LRRC26: variants seen among roughly 807,000 people sequenced by gnomAD.
The protein encoded by LRRC26 is leucine-rich repeat-containing protein 26.
Under a neutral mutation model 15.3 loss-of-function variants are expected in LRRC26, and 17 were observed. The observed-to-expected ratio is 1.11, with a 90% CI of 0.76 to 1.66. The LOEUF is 1.66. Among genes scored for constraint, LRRC26 ranks in the 40% most tolerant of loss-of-function variants. LRRC26 has a pLI of 0.00. For synonymous variants in LRRC26, 301 were observed against 272.1 expected (o/e 1.11, Z -1.05); for missense variants, 573 against 501.0 (o/e 1.14, Z -1.37).
Position 137,169,184 on chromosome 9 carries a change from C to T in LRRC26, c.675G>A (p.Glu225=), listed in dbSNP as rs759105118. 53 of 1,476,618 alleles carry T rather than the reference C, an allele frequency of 3.6e-5. No individual in the cohort carries two copies. Among genetic ancestry groups the T allele is most frequent in the Non-Finnish European group, 4.6e-5 (51 of 1,118,666 alleles). 91.5% of individuals were successfully genotyped at this position (1,476,618 alleles called of 1,614,324 possible). The change falls in exon 2 of 2, where the codon GAG becomes GAA. Residue 225 remains glutamate, a splice_region_variant and synonymous_variant. Transcript: ENST00000371542. Reference sequence around the variant, plus strand: ...GCCACACGCAGAGCACCGTCTCGGCCTCTGTGGGACACAGACAAAGGCGCG... The same window carrying T: ...GCCACACGCAGAGCACCGTCTCGGCTTCTGTGGGACACAGACAAAGGCGCG... ...WLRRHPLPAS[E]AETVLCVWPG...
rs760302911 is a variant in LRRC26 at position 137,169,168 on chromosome 9, A to G, written c.691T>C (p.Cys231Arg). ...LPASEAETVL[C>R]VWPGRLTLSP... Reference sequence around the variant, plus strand: ...AGCGTCAGGCGTCCCGGCCACACGCAGAGCACCGTCTCGGCCTCTGTGGGA... The same window carrying G: ...AGCGTCAGGCGTCCCGGCCACACGCGGAGCACCGTCTCGGCCTCTGTGGGA... The change falls in exon 2 of 2, where the codon TGC becomes CGC. Residue 231 changes from cysteine (C) to arginine (R), a missense_variant. Physicochemically the swap from Cys to Arg is radical, Grantham distance 180 (BLOSUM62 -3). Transcript: ENST00000371542. 1.6e-5 allele frequency: 25 copies of G among 1,519,652 alleles called. No homozygotes were observed. The highest frequency in any genetic ancestry group is 2.1e-5 in the Non-Finnish European group (24 of 1,139,900). The allele number at this position is 1,519,652 out of a possible 1,614,324, so 94.1% of individuals were successfully genotyped here. A position where few individuals can be genotyped will look rare whatever the true frequency, so the allele number is the denominator to read the frequency against.
At position 137,169,700 on chromosome 9, in the gene LRRC26, G is replaced by C. The variant is rs925366948; in HGVS notation, c.244C>G (p.Arg82Gly). ...GCACCTGGCGGCAGCGCACGGACGC[G>C]GTTGTGGTCCAGCAGCAGCGCGCGC... ...RLRALLLDHN[R>G]VRALPPGAFA... Residue 82 changes from arginine (R) to glycine (G), a missense_variant, in exon 1 of 2, where the codon CGC (arginine) becomes GGC (glycine). Transcript: ENST00000371542. 7 of 1,491,228 alleles carry C rather than the reference G, an allele frequency of 4.7e-6. No homozygotes were observed. The highest frequency in any genetic ancestry group is 1.5e-5 in the African/African-American group (1 of 68,538). 92.4% of individuals were successfully genotyped at this position (1,491,228 alleles called of 1,614,324 possible). A position where few individuals can be genotyped will look rare whatever the true frequency, so the allele number is the denominator to read the frequency against.
chr9:137,169,568 G>A lies in LRRC26; in HGVS notation c.376C>T (p.Leu126=). ...WGLGALQLLD[L]SANQLEALAP... ...AGTGCTTCCAGCTGGTTGGCGCTCA[G>A]GTCCAGCAGCTGCAGCGCGCCCAGG... Residue 126 remains leucine, a synonymous_variant, in exon 1 of 2, where the codon CTG becomes TTG. Transcript: ENST00000371542. 1 of 1,524,040 alleles carries A rather than the reference G, an allele frequency of 6.6e-7. No homozygotes were observed. The highest frequency in any genetic ancestry group is 1.2e-5 in the South Asian group (1 of 82,268). 94.4% of individuals were successfully genotyped at this position (1,524,040 alleles called of 1,614,324 possible).
rs1284362602 is a variant in LRRC26, at chr9:137,169,530, A to T, written c.414T>A (p.Thr138=). ...TGCGCAGCGCGCGCAGCGGCGCGAA[A>T]GTCCCTGGTGCCAGTGCTTCCAGCT... ...ANQLEALAPG[T]FAPLRALRNL... Residue 138 remains threonine (T), a synonymous_variant, in exon 1 of 2, where the codon ACT becomes ACA. Coordinates refer to ENST00000371542, the MANE Select transcript of LRRC26 (RefSeq NM_001013653.3). The T allele has an allele frequency of 1.3e-6, 2 of 1,523,838 alleles. No homozygotes were observed. 94.4% of individuals were successfully genotyped at this position (1,523,838 alleles called of 1,614,324 possible). A position where few individuals can be genotyped will look rare whatever the true frequency, so the allele number is the denominator to read the frequency against.
In LRRC26 at chr9:137,168,966, C is replaced by A. The variant is rs1165015610; in HGVS notation, c.893G>T (p.Arg298Leu). 8 of 1,416,992 alleles carry A rather than the reference C, an allele frequency of 5.6e-6. No homozygotes were observed. The highest frequency in any genetic ancestry group is 1.5e-5 in the South Asian group (1 of 67,094). 87.8% of individuals were successfully genotyped at this position (1,416,992 alleles called of 1,614,324 possible). A position where few individuals can be genotyped will look rare whatever the true frequency, so the allele number is the denominator to read the frequency against. Residue 298 changes from arginine to leucine, a missense_variant, in exon 2 of 2, where the codon CGC becomes CTC. Coordinates refer to ENST00000371542, the MANE Select transcript of LRRC26 (RefSeq NM_001013653.3). ...TCTCGGCGGGCGGAGGGCGGCGGTG[C>A]GGAGGCGGCGGCGGCGCGCACGGCA... The part of the protein sequence containing the change: ...TACRARRRRL[R>L]TAALRPPRPP...
In LRRC26 at chr9:137,169,720, G is replaced by A. The variant is rs1387975149; in HGVS notation, c.224C>T (p.Ala75Val). 2.7e-6 allele frequency: 4 copies of A among 1,463,508 alleles called. No individual in the cohort carries two copies. 90.7% of individuals were successfully genotyped at this position (1,463,508 alleles called of 1,614,324 possible). A position where few individuals can be genotyped will look rare whatever the true frequency, so the allele number is the denominator to read the frequency against. Residue 75 changes from alanine (A) to valine (V), a missense_variant, in exon 1 of 2, where the codon GCG becomes GTG. Coordinates refer to ENST00000371542, the MANE Select transcript of LRRC26 (RefSeq NM_001013653.3). ...GACGCGGTTGTGGTCCAGCAGCAGC[G>A]CGCGCAGGCGCAGGCTCAGGCCCGG... Reference protein sequence around the residue: ...VPPGLSLRLRALLLDHNRVRA... With the variant: ...VPPGLSLRLRVLLLDHNRVRA...
At position 137,169,498 on chromosome 9, in the gene LRRC26, G is replaced by T. The variant is rs1425017990; in HGVS notation, c.446C>A (p.Ser149Ter). Reference protein sequence around the residue: ...FAPLRALRNLSLAGNRLARLE... With the variant: ...FAPLRALRNL ...GCGCGCCAGCCGGTTGCCGGCCAAT[G>T]AGAGGTTGCGCAGCGCGCGCAGCGG... The change falls in exon 1 of 2, where the codon TCA (serine) becomes TAA (stop). Residue 149 changes from serine (S) to a stop codon, truncating the protein, a stop_gained. Coordinates refer to ENST00000371542, the MANE Select transcript of LRRC26 (RefSeq NM_001013653.3). LOFTEE classifies it high-confidence loss of function. The T allele has an allele frequency of 6.6e-6, 10 of 1,523,906 alleles. No individual in the cohort carries two copies. The highest frequency in any genetic ancestry group is 5.3e-6 in the Non-Finnish European group (6 of 1,142,606). The allele number at this position is 1,523,906 out of a possible 1,614,324, so 94.4% of individuals were successfully genotyped here. A position where few individuals can be genotyped will look rare whatever the true frequency, so the allele number is the denominator to read the frequency against.
chr9:137,169,134 AG>A lies in LRRC26; in HGVS notation c.724del (p.Leu242Ter). 1.3e-6 allele frequency: 2 copies of A among 1,556,086 alleles called. No homozygotes were observed. Among genetic ancestry groups the A allele is most frequent in the East Asian group, 2.6e-5 (1 of 38,956 alleles). The part of the protein sequence containing the change: ...VWPGRLTLSP[L>X]TAFSDAAFSH... ...AAAGGCGGCGTCGGAAAAGGCAGTC[AG>A]GGGGCTGAGCGTCAGGCGTCCCGGC... On this transcript the variant is annotated frameshift_variant, in exon 2 of 2. Coordinates refer to ENST00000371542, the MANE Select transcript of LRRC26 (RefSeq NM_001013653.3). LOFTEE classifies it low-confidence loss of function (END_TRUNC).
rs1259054487 is a variant in LRRC26 at position 137,169,806 on chromosome 9, C to A, written c.138G>T (p.Val46=). The A allele has an allele frequency of 1.4e-6, 2 of 1,406,200 alleles. No individual in the cohort carries two copies. The allele number at this position is 1,406,200 out of a possible 1,614,324, so 87.1% of individuals were successfully genotyped here. ...GSLGAPDCPE[V]CTCVPGGLAS... ...CCAGGCCTCCCGGCACGCACGTGCA[C>A]ACCTCGGGGCAGTCCGGGGCGCCCA... The change falls in exon 1 of 2, where the codon GTG becomes GTT. Residue 46 remains valine, a synonymous_variant. Coordinates refer to ENST00000371542, the MANE Select transcript of LRRC26 (RefSeq NM_001013653.3).
chr9:137,169,176 G>A lies in LRRC26; in HGVS notation c.683C>T (p.Thr228Met), dbSNP rs1247125976. 2 of 1,500,856 alleles carry A rather than the reference G, an allele frequency of 1.3e-6. No homozygotes were observed. Among genetic ancestry groups the A allele is most frequent in the African/African-American group, 1.4e-5 (1 of 69,630 alleles). 93.0% of individuals were successfully genotyped at this position (1,500,856 alleles called of 1,614,324 possible). A position where few individuals can be genotyped will look rare whatever the true frequency, so the allele number is the denominator to read the frequency against. Residue 228 changes from threonine to methionine, a missense_variant, in exon 2 of 2, where the codon ACG (threonine) becomes ATG (methionine). Thr to Met is a moderately conservative substitution (Grantham distance 81). Coordinates refer to ENST00000371542, the MANE Select transcript of LRRC26 (RefSeq NM_001013653.3). ...GCGTCCCGGCCACACGCAGAGCACCGTCTCGGCCTCTGTGGGACACAGACA... is the reference window on the plus strand; with the variant it reads ...GCGTCCCGGCCACACGCAGAGCACCATCTCGGCCTCTGTGGGACACAGACA... ...RHPLPASEAETVLCVWPGRLT... is the reference protein window; with the variant it reads ...RHPLPASEAEMVLCVWPGRLT...
rs773816868 is a variant in LRRC26, at chr9:137,169,165, C to T, written c.694G>A (p.Val232Met). 9.2e-6 allele frequency: 14 copies of T among 1,519,114 alleles called. No homozygotes were observed. The highest frequency in any genetic ancestry group is 9.7e-6 in the Non-Finnish European group (11 of 1,139,800). The allele number at this position is 1,519,114 out of a possible 1,614,324, so 94.1% of individuals were successfully genotyped here. Residue 232 changes from valine (V) to methionine (M), a missense_variant, in exon 2 of 2, where the codon GTG becomes ATG. Coordinates refer to ENST00000371542, the MANE Select transcript of LRRC26 (RefSeq NM_001013653.3). ...PASEAETVLC[V>M]WPGRLTLSPL... The stretch of plus-strand genomic sequence containing the variant: ...CTGAGCGTCAGGCGTCCCGGCCACA[C>T]GCAGAGCACCGTCTCGGCCTCTGTG...
chr9:137,169,426 C>A lies in LRRC26; in HGVS notation c.518G>T (p.Ser173Ile), dbSNP rs771355412. Residue 173 changes from serine (S) to isoleucine (I), a missense_variant, in exon 1 of 2, where the codon AGC becomes ATC. By Grantham distance (142) the Ser-to-Ile change is moderately radical. Transcript: ENST00000371542. ...LGALPLLRSL[S>I]LQDNELAALA... The stretch of plus-strand genomic sequence containing the variant: ...TGCCGCCAGCTCGTTGTCCTGCAGG[C>A]TGAGTGAGCGCAGCAGCGGGAGCGC... 42 of 1,518,044 alleles carry A rather than the reference C, an allele frequency of 2.8e-5. 1 individual carries two copies. The South Asian group carries it at 5.0e-4, about 18-fold the overall frequency. The allele number at this position is 1,518,044 out of a possible 1,614,324, so 94.0% of individuals were successfully genotyped here.
At position 137,169,724 on chromosome 9, in the gene LRRC26, G is replaced by A. The variant is rs939705854; in HGVS notation, c.220C>T (p.Arg74Cys). The change falls in exon 1 of 2, where the codon CGC becomes TGC. Residue 74 changes from arginine (R) to cysteine (C), a missense_variant. Coordinates refer to ENST00000371542, the MANE Select transcript of LRRC26 (RefSeq NM_001013653.3). ...AVPPGLSLRL[R>C]ALLLDHNRVR... is the part of the protein sequence containing the mutation. Reference sequence around the variant, plus strand: ...CGGTTGTGGTCCAGCAGCAGCGCGCGCAGGCGCAGGCTCAGGCCCGGGGGC... The same window carrying A: ...CGGTTGTGGTCCAGCAGCAGCGCGCACAGGCGCAGGCTCAGGCCCGGGGGC... 3.4e-6 allele frequency: 5 copies of A among 1,457,968 alleles called. No individual in the cohort carries two copies. The Admixed American group carries it at 7.9e-5, about 23-fold the overall frequency. The allele number at this position is 1,457,968 out of a possible 1,614,324, so 90.3% of individuals were successfully genotyped here. A position where few individuals can be genotyped will look rare whatever the true frequency, so the allele number is the denominator to read the frequency against.
At position 137,169,722 on chromosome 9, in the gene LRRC26, G is replaced by T; in HGVS notation, c.222C>A (p.Arg74=). The change falls in exon 1 of 2, where the codon CGC becomes CGA. Residue 74 remains arginine (R), a synonymous_variant. Transcript: ENST00000371542. Reference sequence around the variant, plus strand: ...CGCGGTTGTGGTCCAGCAGCAGCGCGCGCAGGCGCAGGCTCAGGCCCGGGG... The same window carrying T: ...CGCGGTTGTGGTCCAGCAGCAGCGCTCGCAGGCGCAGGCTCAGGCCCGGGG... ...AVPPGLSLRL[R]ALLLDHNRVR... 3.4e-6 allele frequency: 5 copies of T among 1,458,254 alleles called. No homozygotes were observed. Among genetic ancestry groups the T allele is most frequent in the Non-Finnish European group, 4.5e-6 (5 of 1,114,024 alleles). The allele number at this position is 1,458,254 out of a possible 1,614,324, so 90.3% of individuals were successfully genotyped here.
chr9:137,168,990 C>T lies in LRRC26; in HGVS notation c.869G>A (p.Cys290Tyr). The T allele has an allele frequency of 2.1e-6, 3 of 1,453,900 alleles. No individual in the cohort carries two copies. The highest frequency in any genetic ancestry group is 1.5e-5 in the African/African-American group (1 of 67,690). The allele number at this position is 1,453,900 out of a possible 1,614,324, so 90.1% of individuals were successfully genotyped here. ...GCGGAGGCGGCGGCGGCGCGCACGG[C>T]AGGCGGTGAGCCCAGAGCCCAGCGC... Reference protein sequence around the residue: ...CLALGSGLTACRARRRRLRTA... With the variant: ...CLALGSGLTAYRARRRRLRTA... Residue 290 changes from cysteine to tyrosine, a missense_variant, in exon 2 of 2, where the codon TGC (cysteine) becomes TAC (tyrosine). Physicochemically the swap from Cys to Tyr is radical, Grantham distance 194. Transcript: ENST00000371542.
In LRRC26 at chr9:137,168,897, G is replaced by A; in HGVS notation, c.962C>T (p.Ser321Leu). Residue 321 changes from serine (S) to leucine (L), a missense_variant, in exon 2 of 2, where the codon TCG (serine) becomes TTG (leucine). Physicochemically the swap from Ser to Leu is moderately radical, Grantham distance 145. Transcript: ENST00000371542. ...NPDPDPHGCA[S>L]PADPGSPAAA... The stretch of plus-strand genomic sequence containing the variant: ...GGCGGGGCTCCCCGGGTCCGCGGGC[G>A]AGGCACAGCCGTGGGGGTCGGGATC... 1.3e-5 allele frequency: 16 copies of A among 1,268,810 alleles called. No homozygotes were observed. Among genetic ancestry groups the A allele is most frequent in the Admixed American group, 4.2e-5 (1 of 24,050 alleles). 78.6% of individuals were successfully genotyped at this position (1,268,810 alleles called of 1,614,324 possible).
chr9:137,169,935 G>A lies in LRRC26; in HGVS notation c.9C>T (p.Gly3=). MR[G]PSWSRPRPLL... is the part of the protein sequence containing the mutation. ...GCGGCCGAGGCCGCGACCAGGAAGG[G>A]CCCCGCATGGGGGCAGCCCCCCCGC... The change falls in exon 1 of 2, where the codon GGC becomes GGT. Residue 3 remains glycine, a synonymous_variant. Transcript: ENST00000371542. 4 of 1,450,114 alleles carry A rather than the reference G, an allele frequency of 2.8e-6. No individual in the cohort carries two copies. Among genetic ancestry groups the A allele is most frequent in the South Asian group, 1.4e-5 (1 of 72,618 alleles). 89.8% of individuals were successfully genotyped at this position (1,450,114 alleles called of 1,614,324 possible). A position where few individuals can be genotyped will look rare whatever the true frequency, so the allele number is the denominator to read the frequency against.
Position 137,169,822 on chromosome 9 carries a change from G to A in LRRC26, c.122C>T (p.Pro41Leu). 2 of 1,436,980 alleles carry A rather than the reference G, an allele frequency of 1.4e-6. No individual in the cohort carries two copies. Among genetic ancestry groups the A allele is most frequent in the East Asian group, 5.9e-5 (2 of 33,818 alleles). The allele number at this position is 1,436,980 out of a possible 1,614,324, so 89.0% of individuals were successfully genotyped here. ...GCACGTGCACACCTCGGGGCAGTCC[G>A]GGGCGCCCAGGGACCCCGAGGGCGA... Reference protein sequence around the residue: ...TASPSGSLGAPDCPEVCTCVP... With the variant: ...TASPSGSLGALDCPEVCTCVP... The change falls in exon 1 of 2, where the codon CCG becomes CTG. Residue 41 changes from proline (P) to leucine (L), a missense_variant. Physicochemically the swap from Pro to Leu is moderately conservative, Grantham distance 98. Coordinates refer to ENST00000371542, the MANE Select transcript of LRRC26 (RefSeq NM_001013653.3).
At position 137,169,857 on chromosome 9, in the gene LRRC26, C is replaced by T. The variant is rs771831599; in HGVS notation, c.87G>A (p.Ser29=). 2 of 1,473,030 alleles carry T rather than the reference C, an allele frequency of 1.4e-6. No homozygotes were observed. The highest frequency in any genetic ancestry group is 1.8e-6 in the Non-Finnish European group (2 of 1,122,442). The allele number at this position is 1,473,030 out of a possible 1,614,324, so 91.2% of individuals were successfully genotyped here. ...LSPWPVWAQV[S]ATASPSGSLG... ...GGGACCCCGAGGGCGAGGCCGTGGCCGACACCTGGGCCCAGACAGGCCAAG... is the reference window on the plus strand; with the variant it reads ...GGGACCCCGAGGGCGAGGCCGTGGCTGACACCTGGGCCCAGACAGGCCAAG... The change falls in exon 1 of 2, where the codon TCG becomes TCA. Residue 29 remains serine, a synonymous_variant. Transcript: ENST00000371542.
Sources: gnomAD v4.1 joint callset for allele counts on GRCh38, gnomAD v4.1.1 for gene constraint, MANE v1.5 for transcripts, NCBI Gene and HGNC (gene_info 2026-07-23, HGNC 2026-07-21) for gene names.